C4orf36: variants seen among roughly 807,000 people sequenced by gnomAD.
C4orf36 encodes chromosome 4 open reading frame 36, also known as uncharacterized protein C4orf36.
C4orf36 carries 11 observed loss-of-function variants against 12.2 expected under a neutral mutation model. The ratio of observed to expected loss-of-function variants is 0.90; its 90% CI spans 0.57 to 1.49. The LOEUF (loss-of-function observed/expected upper bound fraction) is 1.49. Among genes scored for constraint, C4orf36 ranks in the 40% most tolerant of loss-of-function variants. The pLI, the probability that C4orf36 is intolerant of heterozygous loss-of-function variation, is 0.00. For synonymous variants in C4orf36, 54 were observed against 51.3 expected (o/e 1.05, Z -0.22); for missense variants, 137 against 133.9 (o/e 1.02, Z -0.11).
At chr4:86,909,211 C>A in the C4orf36 span, among the ~76,000 whole-genome samples, 2 of 152,172 alleles carry the variant, frequency 1.3e-5, no homozygotes, top group Non-Finnish European at 2.9e-5. Context: ...CTTAGCCAAG[C>A]TAACACCATT....
Position 86,876,455 on chromosome 4 carries a change from A to T in C4orf36, c.*3-12T>A. ...ATCCGCGCTTCAGGCTGCGCAAAGG[A>T]GAGGGGGAAAATAAGATTTTATTTT... On this transcript the variant is annotated splice_polypyrimidine_tract_variant and intron_variant, in intron 4 of 4. Coordinates refer to ENST00000295898, the MANE Select transcript of C4orf36 (RefSeq NM_144645.4). The T allele has an allele frequency of 1.2e-6, 2 of 1,613,470 alleles. No individual in the cohort carries two copies. The highest frequency in any genetic ancestry group is 1.7e-6 in the Non-Finnish European group (2 of 1,179,546).
At chr4:86,876,863 C>T (rs573377481) in intron 4 of C4orf36, among the ~76,000 whole-genome samples, 2 of 152,298 alleles carry the variant, frequency 1.3e-5, no homozygotes, top group South Asian at 4.1e-4. Flanking sequence ...CTACTAAAAC[C>T]TAGAGTTTTC....
At chr4:86,911,147 G>T in the C4orf36 span, among the ~76,000 whole-genome samples, 1 of 152,262 alleles carries the variant, frequency 6.6e-6, no homozygotes, top group South Asian at 2.1e-4. Context: ...TGAAACCAAG[G>T]TATGTCCTTT....
upstream of C4orf36, among the ~76,000 whole-genome samples, chr4:86,895,662 TC>T (rs1475537747): frequency 1.3e-5 from 2 of 152,368 alleles, no homozygotes; most frequent in East Asian, 3.9e-4. Context: ...ATCTGGTTTT[TC>T]TCACAATGAC....
chr4:86,914,117 A>G, the C4orf36 span: 1 of 1,603,830 alleles, frequency 6.2e-7, no homozygotes, highest in Non-Finnish European at 8.5e-7. Context: ...TTTCAGACTC[A>G]AAGTAACAAA....
chr4:86,917,386 AAGG>A, the C4orf36 span, among the ~76,000 whole-genome samples: 1 of 148,788 alleles, frequency 6.7e-6, no homozygotes, highest in South Asian at 2.2e-4. Flanking sequence ...GAAGGAAAGG[AAGG>A]AAGGAAGGAG....
At chr4:86,924,286 GC>G in the C4orf36 span, among the ~76,000 whole-genome samples, 1 of 152,122 alleles carries the variant, frequency 6.6e-6, no homozygotes, top group African/African-American at 2.4e-5. Flanking sequence ...TGCAACCTCT[GC>G]CTCCTGGGTT....
chr4:86,927,723 C>T, the C4orf36 span, among the ~76,000 whole-genome samples: 4 of 151,906 alleles, frequency 2.6e-5, no homozygotes, highest in East Asian at 1.9e-4. Flanking sequence ...TGCTTGAACC[C>T]GGGAGGTGGA....
At chr4:86,934,347 G>A in the C4orf36 span, 1 of 152,070 alleles carries the variant, frequency 6.6e-6, no homozygotes, top group Non-Finnish European at 1.5e-5. Flanking sequence ...TCTTCCCATG[G>A]GTCTATTTGC....
the C4orf36 span, among the ~76,000 whole-genome samples, chr4:86,927,984 TGA>T: frequency 6.6e-6 from 1 of 152,354 alleles, no homozygotes; most frequent in South Asian, 2.1e-4. Context: ...GGAAAGTTTC[TGA>T]GAGACAATGC....
chr4:86,911,848 G>C, the C4orf36 span, among the ~76,000 whole-genome samples: 4 of 150,474 alleles, frequency 2.7e-5, no homozygotes, highest in South Asian at 8.4e-4. Flanking sequence ...TATCATGCCT[G>C]GCTATTTAGA....
At chr4:86,932,040 GAA>G in the C4orf36 span, among the ~76,000 whole-genome samples, 322 of 62,524 alleles carry the variant, frequency 5.2e-3, 1 homozygote, top group South Asian at 0.025. Context: ...GTCTCAAAAA[GAA>G]AAAAAAAAAA....
chr4:86,911,411 C>G, the C4orf36 span, among the ~76,000 whole-genome samples: 33 of 152,302 alleles, frequency 2.2e-4, 1 homozygote, highest in East Asian at 5.0e-3. Context: ...GATCTGCTAC[C>G]TCAAATTGTA....
At chr4:86,907,041 A>AAAAT in the C4orf36 span, among the ~76,000 whole-genome samples, 127,255 of 150,190 alleles carry the variant, frequency 0.85, 57,473 homozygotes, top group Non-Finnish European at 0.99. Flanking sequence ...CTCCATCTCA[A>AAAAT]AAATAAATAA....
intron 4 of C4orf36, among the ~76,000 whole-genome samples, chr4:86,881,937 C>T (rs574709187): frequency 1.8e-4 from 28 of 152,318 alleles, no homozygotes; most frequent in Admixed American, 1.6e-3. Flanking sequence ...CTCAGCCTCC[C>T]AAAGTGCTGG....
chr4:86,882,098 T>C (rs372094079), intron 4 of C4orf36, among the ~76,000 whole-genome samples: 1 of 152,214 alleles, frequency 6.6e-6, no homozygotes, highest in African/African-American at 2.4e-5. Context: ...GAGAGACATA[T>C]ACACATATTA....
At chr4:86,922,005 A>G in the C4orf36 span, among the ~76,000 whole-genome samples, 1 of 152,374 alleles carries the variant, frequency 6.6e-6, no homozygotes, top group Middle Eastern at 3.4e-3. Flanking sequence ...TCACATACAA[A>G]TACAAAATGA....
At chr4:86,888,586 T>G (rs1248186173) in intron 2 of C4orf36, among the ~76,000 whole-genome samples, 2 of 152,210 alleles carry the variant, frequency 1.3e-5, no homozygotes, top group Non-Finnish European at 2.9e-5. Context: ...CAGAGTCTTT[T>G]ATAGCTCATA....
At chr4:86,925,864 C>CTTTTTTTTTCCTTTTTTT in the C4orf36 span, 1 of 135,450 alleles carries the variant, frequency 7.4e-6, no homozygotes, top group South Asian at 2.3e-4. Flanking sequence ...ACTATATCAT[C>CTTTTTTTTTCCTTTTTTT]TTTTTTTTTC....
Sources: allele counts gnomAD v4.1 joint callset (sites outside exome capture counted in the v4.1 genomes callset), GRCh38; gene constraint gnomAD v4.1.1; transcripts MANE v1.5; gene names NCBI Gene and HGNC (gene_info 2026-07-23, HGNC 2026-07-21).